MARK3: variants seen among roughly 807,000 people sequenced by gnomAD.
MARK3 encodes the protein microtubule affinity regulating kinase 3, also known as MAP/microtubule affinity-regulating kinase 3.
Under a neutral mutation model 90.1 loss-of-function variants are expected in MARK3, and 46 were observed. The ratio of observed to expected loss-of-function variants is 0.51; its 90% confidence interval spans 0.40 to 0.65. The LOEUF is 0.65. Ranked by LOEUF, MARK3 falls within the 30% of genes least tolerant of loss-of-function variation. MARK3 has a pLI of 0.00. For missense variants in MARK3, 818 were observed against 947.2 expected, an observed-to-expected ratio of 0.86 and a Z score of 1.79; for synonymous variants, 321 against 332.6, an observed-to-expected ratio of 0.97 and a Z score of 0.38.
At chr14:103,425,734 A>T (rs2092382686) in intron 2 of MARK3, among the ~76,000 whole-genome samples, 1 of 152,242 alleles carries the variant, frequency 6.6e-6, no homozygotes, top group African/African-American at 2.4e-5. Context: ...ATACAAAATT[A>T]GAATTCCAAC....
chr14:103,493,698 A>T (rs754252989), intron 15 of MARK3, among the ~76,000 whole-genome samples: 3 of 151,530 alleles, frequency 2.0e-5, no homozygotes, highest in Non-Finnish European at 2.9e-5. Context: ...AATATGGTGA[A>T]ACCCCATCTC....
chr14:103,436,771 C>A (rs2092726005), intron 3 of MARK3, among the ~76,000 whole-genome samples: 1 of 152,092 alleles, frequency 6.6e-6, no homozygotes. Flanking sequence ...AGTCACCACC[C>A]CCAGCCTGAT....
At chr14:103,386,191 G>A (rs867136275) in intron 1 of MARK3, 111 bp downstream of exon 1, 1 of 1,069,988 alleles carries the variant, frequency 9.3e-7, no homozygotes. Flanking sequence ...GGAAATAGAG[G>A]GCAGGCCGTA....
chr14:103,444,120 TTCTC>T (rs1188182156), intron 3 of MARK3, among the ~76,000 whole-genome samples: 7 of 124,388 alleles, frequency 5.6e-5, no homozygotes, highest in East Asian at 2.6e-4. Flanking sequence ...GAGACTAAAA[TTCTC>T]TCTCTCTTTT....
chr14:103,389,453 A>G (rs945911536), intron 1 of MARK3, among the ~76,000 whole-genome samples: 1 of 140,216 alleles, frequency 7.1e-6, no homozygotes, highest in African/African-American at 2.6e-5. Flanking sequence ...ACTTGAACAC[A>G]AGAGGTGAAG....
chr14:103,487,452 A>G (rs1201766547), intron 14 of MARK3, among the ~76,000 whole-genome samples: 2 of 151,772 alleles, frequency 1.3e-5, no homozygotes, highest in East Asian at 2.0e-4. Context: ...TGCCTTAAAG[A>G]TCTAGCTTGG....
chr14:103,489,089 TG>T (rs1282891930), intron 14 of MARK3, among the ~76,000 whole-genome samples: 3 of 152,216 alleles, frequency 2.0e-5, no homozygotes, highest in Non-Finnish European at 4.4e-5. Flanking sequence ...GGATACAATG[TG>T]GCATGCATGA....
At chr14:103,455,481 C>T (rs188000741) in intron 5 of MARK3, among the ~76,000 whole-genome samples, 2 of 152,116 alleles carry the variant, frequency 1.3e-5, no homozygotes, top group Non-Finnish European at 2.9e-5. Flanking sequence ...AATCCCAGCA[C>T]TTTGGGAGGC....
In MARK3 at chr14:103,467,074, T is replaced by G; in HGVS notation, c.998-5T>G. On this transcript the variant is annotated splice_polypyrimidine_tract_variant and splice_region_variant and intron_variant, in intron 10 of 17. Coordinates refer to ENST00000429436, the MANE Select transcript of MARK3 (RefSeq NM_001128918.3). Reference sequence around the variant, plus strand: ...CACATAAACTGTATTATGCCCTTCTTTTAGATATTATGGTGGGAATGGGAT... The same window carrying G: ...CACATAAACTGTATTATGCCCTTCTGTTAGATATTATGGTGGGAATGGGAT... 1.5e-6 allele frequency: 2 copies of G among 1,361,082 alleles called. No homozygotes were observed. Among genetic ancestry groups the G allele is most frequent in the East Asian group, 2.3e-5 (1 of 43,358 alleles). 84.3% of individuals were successfully genotyped at this position (1,361,082 alleles called of 1,614,324 possible).
intron 12 of MARK3, among the ~76,000 whole-genome samples, chr14:103,473,440 CAAAT>C (rs922647363): frequency 2.6e-5 from 4 of 152,140 alleles, no homozygotes; most frequent in African/African-American, 2.4e-5. Flanking sequence ...TTTCTAAACA[CAAAT>C]AAAAGCTGGA....
chr14:103,468,879 A>C, intron 12 of MARK3, among the ~76,000 whole-genome samples: 1 of 148,294 alleles, frequency 6.7e-6, no homozygotes, highest in Non-Finnish European at 1.5e-5. Flanking sequence ...TTCTCTCACC[A>C]CAGCGTTCTA....
At chr14:103,464,493 C>T (rs2093466250) in intron 7 of MARK3, among the ~76,000 whole-genome samples, 1 of 150,802 alleles carries the variant, frequency 6.6e-6, no homozygotes, top group Admixed American at 6.6e-5. Context: ...AGAGATGGGG[C>T]TTCACCATGT....
intron 1 of MARK3, among the ~76,000 whole-genome samples, chr14:103,397,590 G>C (rs572866654): frequency 6.6e-6 from 1 of 152,234 alleles, no homozygotes; most frequent in Non-Finnish European, 1.5e-5. Context: ...CTCCTAAAGT[G>C]CTGGGATTAC....
intron 1 of MARK3, among the ~76,000 whole-genome samples, chr14:103,395,864 C>G (rs981155338): frequency 1.2e-4 from 19 of 152,098 alleles, no homozygotes; most frequent in African/African-American, 4.6e-4. Flanking sequence ...TTGTTTAAGG[C>G]TGATTGGAAG....
intron 13 of MARK3, among the ~76,000 whole-genome samples, chr14:103,480,080 C>T (rs760033284): frequency 4.1e-4 from 62 of 152,072 alleles, no homozygotes; most frequent in African/African-American, 1.4e-3. Context: ...GAGATCGCAC[C>T]GCTGCATTCC....
chr14:103,475,171 G>T lies in MARK3; in HGVS notation c.1443G>T (p.Ala481=), dbSNP rs549864859. The T allele has an allele frequency of 6.2e-7, 1 of 1,613,808 alleles. No homozygotes were observed. Among genetic ancestry groups the T allele is most frequent in the Non-Finnish European group, 8.5e-7 (1 of 1,180,006 alleles). Residue 481 remains alanine (A), a synonymous_variant, in exon 13 of 18, where the codon GCG becomes GCT. Transcript: ENST00000429436. ...MLGNASNPNK[A]DIPERKKSST... is the part of the protein sequence containing the mutation. ...GGAATGCAAGTAATCCTAATAAGGCGGATATTCCTGAACGCAAGAAAAGCT... is the reference window on the plus strand; with the variant it reads ...GGAATGCAAGTAATCCTAATAAGGCTGATATTCCTGAACGCAAGAAAAGCT...
At position 103,412,741 on chromosome 14, in the gene MARK3, G is replaced by A. The variant is rs552742068; in HGVS notation, c.243+7474G>A. On this transcript the variant is annotated intron_variant, in intron 2 of 17. Transcript: ENST00000429436. ...CCTGCACCGCCTCATCCAGGGTGTC[G>A]TGAGAGACTTTGCTGCTTATGGGTT... 1.7e-4 allele frequency: 93 copies of A among 549,364 alleles called. 2 individuals carry two copies. In the East Asian group the frequency reaches 2.4e-3, roughly 14 times the overall value. 34.0% of individuals were successfully genotyped at this position (549,364 alleles called of 1,614,324 possible). A position where few individuals can be genotyped will look rare whatever the true frequency, so the allele number is the denominator to read the frequency against.
chr14:103,441,540 C>G (rs1398700229), intron 3 of MARK3: 5 of 152,270 alleles, frequency 3.3e-5, no homozygotes, highest in Non-Finnish European at 7.3e-5. Flanking sequence ...CCCATCTTGG[C>G]TTCCCAAAGT....
Position 103,502,883 on chromosome 14 carries a change from C to G in MARK3, c.1918C>G (p.Arg640Gly), listed in dbSNP as rs769989777. The change falls in exon 18 of 18, where the codon CGC becomes GGC. Residue 640 changes from arginine (R) to glycine (G), a missense_variant and splice_region_variant. Arg to Gly is a moderately radical substitution (Grantham distance 125). This residue lies in a region of MARK3 where 560 missense variants were observed against 613.5 expected (regional missense o/e 0.91). Transcript: ENST00000429436. Reference sequence around the variant, plus strand: ...TAAACCTGCCTCTATGCATTTCAGTCGCAATGTATCTGCTGAGCAAAAAGA... The same window carrying G: ...TAAACCTGCCTCTATGCATTTCAGTGGCAATGTATCTGCTGAGCAAAAAGA... ...ERNGRYEGSS[R>G]NVSAEQKDEN... 1 of 1,603,790 alleles carries G rather than the reference C, an allele frequency of 6.2e-7. No homozygotes were observed. Among genetic ancestry groups the G allele is most frequent in the Admixed American group, 1.7e-5 (1 of 59,318 alleles).
Sources: gnomAD v4.1 joint callset for allele counts (sites outside exome capture counted in the v4.1 genomes callset) on GRCh38, gnomAD v4.1.1 for gene constraint, gnomAD v4.1.1 regional missense constraint, MANE v1.5 for transcripts, NCBI Gene and HGNC (gene_info 2026-07-23, HGNC 2026-07-21) for gene names.